The following CELSR1 variants were observed in gnomAD, a reference collection of about 807,000 sequenced individuals.
The protein encoded by CELSR1 is adhesion G protein-coupled receptor C1.
Under a neutral mutation model 249.1 loss-of-function variants are expected in CELSR1, and 110 were observed. The ratio of observed to expected loss-of-function variants is 0.44; its 90% confidence interval spans 0.38 to 0.52. The LOEUF (loss-of-function observed/expected upper bound fraction) is 0.52. Ranked by LOEUF, CELSR1 falls within the 20% of genes least tolerant of loss-of-function variation. The pLI, the probability that CELSR1 is intolerant of heterozygous loss-of-function variation, is 0.00. For synonymous variants in CELSR1, 2,113 were observed against 1,900.0 expected, an observed-to-expected ratio of 1.11 and a Z score of -2.92; for missense variants, 4,109 against 4,296.4, an observed-to-expected ratio of 0.96 and a Z score of 1.22.
chr22:46,427,929 A>T lies in CELSR1; in HGVS notation c.4611+5464T>A, dbSNP rs2079553699. On this transcript the variant is annotated intron_variant, in intron 5 of 34. Transcript: ENST00000674500. The surrounding 1 kb of genome is among the most constrained non-coding windows in gnomAD (Gnocchi z 4.2). ...GTTTTTAGAACATGTGCAGAAACGG[A>T]GAAGCTCCCCCGACCCCAGGGGTGC... Among the ~76,000 whole-genome samples the T allele has an allele frequency of 6.6e-6, 1 of 152,154 alleles. No homozygotes were observed. The highest frequency in any genetic ancestry group is 2.4e-5 in the African/African-American group (1 of 41,436).
intron 3 of CELSR1, 67 bp downstream of exon 3, chr22:46,439,122 G>T (rs959202219): frequency 7.1e-7 from 1 of 1,406,754 alleles, no homozygotes. Context: ...AGAGGGATGG[G>T]GTGCACGGAG....
Position 46,364,254 on chromosome 22 carries a change from GGGA to G in CELSR1, c.8780-6_8780-4del. 3 of 1,606,994 alleles carry G rather than the reference GGGA, an allele frequency of 1.9e-6. No homozygotes were observed. The highest frequency in any genetic ancestry group is 1.7e-6 in the Non-Finnish European group (2 of 1,179,474). On this transcript the variant is annotated splice_polypyrimidine_tract_variant and splice_region_variant and intron_variant, in intron 33 of 34. Coordinates refer to ENST00000674500, the MANE Select transcript of CELSR1 (RefSeq NM_001378328.1). ...GGTGACTTTATTTTTCAAGATGCCT[GGGA>G]GGAGGAGACACGGCAAGGTCAAGTC...
intron 24 of CELSR1, among the ~76,000 whole-genome samples, chr22:46,376,694 T>C (rs2078921870): frequency 1.3e-5 from 2 of 151,916 alleles, no homozygotes; most frequent in Non-Finnish European, 2.9e-5. Context: ...ACAAGAGTTG[T>C]ATTTTCCTGG....
Position 46,409,723 on chromosome 22 carries a change from G to T in CELSR1, c.5059+32C>A. The stretch of plus-strand genomic sequence containing the variant: ...GGAGCAATGCCTCCCAGGCCGCCGT[G>T]ACCGGGGGGATGGACGACGCCGGCC... On this transcript the variant is annotated intron_variant, in intron 8 of 34. Transcript: ENST00000674500. This position sits in a 1 kb window ranked among gnomAD's most constrained non-coding sequence, Gnocchi z 9.8. 2 of 1,609,644 alleles carry T rather than the reference G, an allele frequency of 1.2e-6. No individual in the cohort carries two copies. The highest frequency in any genetic ancestry group is 2.2e-5 in the South Asian group (2 of 91,008).
At chr22:46,528,520 A>G (rs1299120947) in intron 1 of CELSR1, among the ~76,000 whole-genome samples, 2 of 152,252 alleles carry the variant, frequency 1.3e-5, no homozygotes, top group Non-Finnish European at 2.9e-5. Flanking sequence ...AGAGGCCTAC[A>G]GCCCTGCACC....
intron 28 of CELSR1, 142 bp from the exon 29 acceptor site, chr22:46,367,260 C>T: frequency 8.4e-7 from 1 of 1,188,560 alleles, no homozygotes. Context: ...CAGGCCTCCC[C>T]TCCTCAGGGA....
chr22:46,407,491 G>C lies in CELSR1; in HGVS notation c.5226+1505C>G, dbSNP rs2079278986. Reference sequence around the variant, plus strand: ...CTAAAAATACAGCAAATTTAGCCAGGTGTGGTGGTGAGCTCCTGTAATCCC... The same window carrying C: ...CTAAAAATACAGCAAATTTAGCCAGCTGTGGTGGTGAGCTCCTGTAATCCC... On this transcript the variant is annotated intron_variant, in intron 9 of 34. Coordinates refer to ENST00000674500, the MANE Select transcript of CELSR1 (RefSeq NM_001378328.1). The surrounding 1 kb of genome is among the most constrained non-coding windows in gnomAD (Gnocchi z 4.8). Among the ~76,000 whole-genome samples, 1 of 152,114 alleles carries C rather than the reference G, an allele frequency of 6.6e-6. No individual in the cohort carries two copies. Among genetic ancestry groups the C allele is most frequent in the South Asian group, 2.1e-4 (1 of 4,824 alleles).
rs1602077263 is a variant in CELSR1 at position 46,397,711 on chromosome 22, G to A, written c.5664C>T (p.His1888=). ...SSPCPPNSRC[H]DAWEDYSCVC... ...CGCAGCTGTAGTCCTCCCAGGCGTC[G>A]TGGCAGCGGCTATTGGGGGGACAGG... Residue 1888 remains histidine, a synonymous_variant, in exon 12 of 35, where the codon CAC becomes CAT. Coordinates refer to ENST00000674500, the MANE Select transcript of CELSR1 (RefSeq NM_001378328.1). 3.8e-6 allele frequency: 6 copies of A among 1,575,158 alleles called. No individual in the cohort carries two copies. Among genetic ancestry groups the A allele is most frequent in the African/African-American group, 1.4e-5 (1 of 73,850 alleles).
intron 2 of CELSR1, among the ~76,000 whole-genome samples, chr22:46,449,372 T>C (rs1166609996): frequency 7.2e-6 from 1 of 139,426 alleles, no homozygotes; most frequent in African/African-American, 2.7e-5. Flanking sequence ...CACACATCCA[T>C]CCATCCATCC....
At position 46,446,557 on chromosome 22, in the gene CELSR1, C is replaced by T. The variant is rs1205973279; in HGVS notation, c.4184-7146G>A. Among the ~76,000 whole-genome samples the T allele has an allele frequency of 4.6e-5, 7 of 151,984 alleles. No individual in the cohort carries two copies. The highest frequency in any genetic ancestry group is 1.7e-4 in the African/African-American group (7 of 41,364). On this transcript the variant is annotated intron_variant, in intron 2 of 34. Coordinates refer to ENST00000674500, the MANE Select transcript of CELSR1 (RefSeq NM_001378328.1). The surrounding 1 kb of genome is among the most constrained non-coding windows in gnomAD (Gnocchi z 5.5). ...CACACAGCGAGTGCCGAATAAATGC[C>T]TGGTGTGTGCAGGGCATATGCTGAG... is the stretch of plus-strand genomic sequence containing the variant.
chr22:46,414,433 C>T (rs571091856), intron 5 of CELSR1, among the ~76,000 whole-genome samples: 3 of 152,362 alleles, frequency 2.0e-5, no homozygotes, highest in African/African-American at 4.8e-5. Context: ...CACAGCATCC[C>T]GATGGCCCAT....
Position 46,405,433 on chromosome 22 carries a change from C to A in CELSR1, c.5226+3563G>T, listed in dbSNP as rs1162018124. 2.8e-5 allele frequency among the ~76,000 whole-genome samples: 4 copies of A among 144,322 alleles called. No homozygotes were observed. The East Asian group carries it at 6.2e-4, about 22-fold the overall frequency. 94.7% of individuals were successfully genotyped at this position (144,322 alleles called of 152,430 possible). On this transcript the variant is annotated intron_variant, in intron 9 of 34. Transcript: ENST00000674500. Reference sequence around the variant, plus strand: ...TGAGATCATGCCACTGCACTCCAGCCTGGGTGACAGAGCGAGACTCCGTCT... The same window carrying A: ...TGAGATCATGCCACTGCACTCCAGCATGGGTGACAGAGCGAGACTCCGTCT...
intron 27 of CELSR1, 101 bp downstream of exon 27, chr22:46,369,078 A>AG: frequency 9.6e-7 from 1 of 1,037,008 alleles, no homozygotes; most frequent in Non-Finnish European, 1.5e-6. Context: ...CTCCTCCATG[A>AG]GGCCTACACG....
At chr22:46,416,731 C>A (rs6008815) in intron 5 of CELSR1, among the ~76,000 whole-genome samples, 1 of 152,108 alleles carries the variant, frequency 6.6e-6, no homozygotes, top group Non-Finnish European at 1.5e-5. Context: ...GAGTCATCCC[C>A]GGGGTCCAGC....
chr22:46,450,916 C>A (rs1353776272), intron 2 of CELSR1, among the ~76,000 whole-genome samples: 1 of 152,234 alleles, frequency 6.6e-6, no homozygotes, highest in Non-Finnish European at 1.5e-5. Context: ...GTGAGTGAAA[C>A]AGCTCATTTG....
chr22:46,536,524 G>T lies in CELSR1; in HGVS notation c.647C>A (p.Pro216Gln), dbSNP rs1418672463. 1 of 1,466,434 alleles carries T rather than the reference G, an allele frequency of 6.8e-7. No individual in the cohort carries two copies. The highest frequency in any genetic ancestry group is 2.8e-5 in the East Asian group (1 of 36,028). 90.8% of individuals were successfully genotyped at this position (1,466,434 alleles called of 1,614,324 possible). The change falls in exon 1 of 35, where the codon CCG (proline) becomes CAG (glutamine). Residue 216 changes from proline (P) to glutamine (Q), a missense_variant. This residue lies in a region of CELSR1 where 673 missense variants were observed against 636.8 expected (regional missense o/e 1.06). Coordinates refer to ENST00000674500, the MANE Select transcript of CELSR1 (RefSeq NM_001378328.1). Reference protein sequence around the residue: ...GTPSASPSPSPPLPPNLPEAR... With the variant: ...GTPSASPSPSQPLPPNLPEAR... Reference sequence around the variant, plus strand: ...TTCGGGCAAGTTCGGCGGCAGGGGCGGCGATGGGGATGGCGACGCGGAGGG... The same window carrying T: ...TTCGGGCAAGTTCGGCGGCAGGGGCTGCGATGGGGATGGCGACGCGGAGGG...
chr22:46,498,014 C>T (rs868814984), intron 1 of CELSR1, among the ~76,000 whole-genome samples: 49 of 151,850 alleles, frequency 3.2e-4, no homozygotes, highest in African/African-American at 9.4e-4. Context: ...TTTGGGAGGC[C>T]AAGGTGGGTG....
intron 18 of CELSR1, among the ~76,000 whole-genome samples, 200 bp downstream of exon 18, chr22:46,389,090 C>T (rs912479008): frequency 6.6e-6 from 1 of 152,236 alleles, no homozygotes; most frequent in African/African-American, 2.4e-5. Context: ...ATGTTTCCTT[C>T]CAGAACACTC....
chr22:46,512,073 C>T lies in CELSR1; in HGVS notation c.3544+21554G>A, dbSNP rs940731243. Among the ~76,000 whole-genome samples, 2 of 152,096 alleles carry T rather than the reference C, an allele frequency of 1.3e-5. No homozygotes were observed. The highest frequency in any genetic ancestry group is 4.8e-5 in the African/African-American group (2 of 41,410). On this transcript the variant is annotated intron_variant, in intron 1 of 34. Transcript: ENST00000674500. This position sits in a 1 kb window ranked among gnomAD's most constrained non-coding sequence, Gnocchi z 5.2. ...CTGGGGTCCTGAAGTGCCCCGAGCCCACCCCCAGATCCCAGCCCAGTGGCC... is the reference window on the plus strand; with the variant it reads ...CTGGGGTCCTGAAGTGCCCCGAGCCTACCCCCAGATCCCAGCCCAGTGGCC...
Sources: allele counts gnomAD v4.1 joint callset (sites outside exome capture counted in the v4.1 genomes callset), GRCh38; gene constraint gnomAD v4.1.1; regional missense constraint gnomAD v4.1.1; non-coding constraint Gnocchi (gnomAD v3.1); transcripts MANE v1.5; gene names NCBI Gene and HGNC (gene_info 2026-07-23, HGNC 2026-07-21).